The following TSC22D2 variants were observed in gnomAD, a reference collection of about 807,000 sequenced individuals.
TSC22D2 encodes the protein TSC22 domain family member 2.
Under a neutral mutation model 50.1 loss-of-function variants are expected in TSC22D2, and 5 were observed. The ratio of observed to expected loss-of-function variants is 0.10; its 90% CI spans 0.05 to 0.21. TSC22D2 has a LOEUF of 0.21. TSC22D2 is among the 10% of genes least tolerant of loss of function. The pLI, the probability that TSC22D2 is intolerant of heterozygous loss-of-function variation, is 1.00. For synonymous variants in TSC22D2, 501 were observed against 450.1 expected, an observed-to-expected ratio of 1.11 and a Z score of -1.43; for missense variants, 1,003 against 1,015.5, an observed-to-expected ratio of 0.99 and a Z score of 0.17.
intron 1 of TSC22D2, among the ~76,000 whole-genome samples, chr3:150,433,188 A>G (rs1576549282): frequency 6.6e-6 from 1 of 152,168 alleles, no homozygotes; most frequent in African/African-American, 2.4e-5. Flanking sequence ...AAGTTTGAAG[A>G]TTGTTGGTTA....
At chr3:150,436,162 G>T (rs1196297537) in intron 1 of TSC22D2, among the ~76,000 whole-genome samples, 1 of 151,982 alleles carries the variant, frequency 6.6e-6, no homozygotes, top group Non-Finnish European at 1.5e-5. Context: ...TATAACTTTT[G>T]TATCTTTTAA....
chr3:150,451,676 T>C (rs1485432452), intron 1 of TSC22D2, among the ~76,000 whole-genome samples: 2 of 152,230 alleles, frequency 1.3e-5, no homozygotes, highest in Non-Finnish European at 2.9e-5. Flanking sequence ...AGCAAGTTAC[T>C]TGACCTCACT....
chr3:150,416,368 A>G (rs1719802853), intron 1 of TSC22D2, among the ~76,000 whole-genome samples: 1 of 73,428 alleles, frequency 1.4e-5, no homozygotes, highest in African/African-American at 5.5e-5. Flanking sequence ...TCCGTAAGTA[A>G]TTCCTTAAAT....
chr3:150,437,503 C>T lies in TSC22D2; in HGVS notation c.1959-19573C>T, dbSNP rs1229708595. Among the ~76,000 whole-genome samples, 4 of 151,954 alleles carry T rather than the reference C, an allele frequency of 2.6e-5. No individual in the cohort carries two copies. The East Asian group carries it at 7.7e-4, about 29-fold the overall frequency. ...ATTGTTACTGATCCAGCCACCCATG[C>T]TATAAGTCTAGAAACTCAGCCAGGC... is the stretch of plus-strand genomic sequence containing the variant. On this transcript the variant is annotated intron_variant, in intron 1 of 2. Coordinates refer to ENST00000688009, the MANE Select transcript of TSC22D2 (RefSeq NM_001303264.2).
rs756051667 is a variant in TSC22D2, at chr3:150,410,931, T to A, written c.1581T>A (p.Thr527=). 3.1e-6 allele frequency: 5 copies of A among 1,614,148 alleles called. No homozygotes were observed. In the Admixed American group the frequency reaches 5.0e-5, roughly 16 times the overall value. ...SVPSVSTTSV[T]MPNVPAPLAQ... ...CTAGTGTGTCTACCACTTCTGTTAC[T>A]ATGCCAAATGTACCCGCGCCTCTGG... The change falls in exon 1 of 3, where the codon ACT becomes ACA. Residue 527 remains threonine, a synonymous_variant. Transcript: ENST00000688009.
rs1221216003 is a variant in TSC22D2 at position 150,456,179 on chromosome 3, TG to T, written c.1959-896del. ...GGTCTGCCAGAATGTTGTTTCTTTT[TG>T]TTTTTTTTTTTTTTGTTTTTTTTTG... On this transcript the variant is annotated intron_variant, in intron 1 of 2. Transcript: ENST00000688009. Among the ~76,000 whole-genome samples the T allele has an allele frequency of 4.1e-3, 294 of 72,090 alleles. 1 individual carries two copies. Among genetic ancestry groups the T allele is most frequent in the African/African-American group, 0.017 (283 of 16,728 alleles). The allele number at this position is 72,090 out of a possible 152,430, so 47.3% of individuals were successfully genotyped here.
In TSC22D2 at chr3:150,410,307, CG is replaced by C; in HGVS notation, c.962del (p.Gly321AspfsTer9). ...CCAGCCAGCCCCAGGGAGCGGGGCC[CG>C]GGGGACAGACTCTGCCGCCGACGAA... ...QPSQPQGAGP[G>X]GQTLPPTNVT... On this transcript the variant is annotated frameshift_variant, in exon 1 of 3. Coordinates refer to ENST00000688009, the MANE Select transcript of TSC22D2 (RefSeq NM_001303264.2). LOFTEE classifies it high-confidence loss of function. The C allele has an allele frequency of 6.4e-7, 1 of 1,569,150 alleles. No homozygotes were observed.
chr3:150,433,387 T>G (rs1465077531), intron 1 of TSC22D2, among the ~76,000 whole-genome samples: 2 of 152,218 alleles, frequency 1.3e-5, no homozygotes, highest in African/African-American at 4.8e-5. Flanking sequence ...TCAATGCTAA[T>G]GGTGGTATCC....
chr3:150,409,337 C>T lies in TSC22D2; in HGVS notation c.-14C>T. The T allele has an allele frequency of 6.3e-7, 1 of 1,584,482 alleles. No homozygotes were observed. The highest frequency in any genetic ancestry group is 8.6e-7 in the Non-Finnish European group (1 of 1,160,040). ...GGAGCCGGCGTGCCTCTCTGCCCTC[C>T]AGCCTTCTTCACCATGTCCAAGATG... is the stretch of plus-strand genomic sequence containing the variant. On this transcript the variant is annotated 5_prime_UTR_variant, in exon 1 of 3. Transcript: ENST00000688009. This position sits in a 1 kb window ranked among gnomAD's most constrained non-coding sequence, Gnocchi z 7.4.
rs376505390 is a variant in TSC22D2, at chr3:150,452,165, G to T, written c.1959-4911G>T. ...TAGTTTTTTAAAAATAGAGATCAAG[G>T]CTGGGCGTGGTGGCTCACGCCTGTA... On this transcript the variant is annotated intron_variant, in intron 1 of 2. Coordinates refer to ENST00000688009, the MANE Select transcript of TSC22D2 (RefSeq NM_001303264.2). Among the ~76,000 whole-genome samples, 8 of 152,276 alleles carry T rather than the reference G, an allele frequency of 5.3e-5. No homozygotes were observed. The South Asian group carries it at 8.3e-4, about 16-fold the overall frequency.
rs1721505337 is a variant in TSC22D2 at position 150,464,691 on chromosome 3, C to T, written c.*6055C>T. On this transcript the variant is annotated 3_prime_UTR_variant, in exon 3 of 3. Coordinates refer to ENST00000688009, the MANE Select transcript of TSC22D2 (RefSeq NM_001303264.2). Reference sequence around the variant, plus strand: ...CCATGTAAAAATCCTTTGATATTGCCAGGAAACAACTTTAAATCACCAGAA... The same window carrying T: ...CCATGTAAAAATCCTTTGATATTGCTAGGAAACAACTTTAAATCACCAGAA... 1 of 151,976 alleles carries T rather than the reference C, an allele frequency of 6.6e-6. No individual in the cohort carries two copies. Among genetic ancestry groups the T allele is most frequent in the Non-Finnish European group, 1.5e-5 (1 of 67,992 alleles). The allele number at this position is 151,976 out of a possible 1,614,324, so 9.4% of individuals were successfully genotyped here. A position where few individuals can be genotyped will look rare whatever the true frequency, so the allele number is the denominator to read the frequency against.
intron 1 of TSC22D2, among the ~76,000 whole-genome samples, chr3:150,426,029 CCT>C (rs759054305): frequency 1.1e-4 from 16 of 152,170 alleles, no homozygotes; most frequent in Non-Finnish European, 2.1e-4. Flanking sequence ...TCTTCCTTTC[CCT>C]TTTTCTGTAG....
chr3:150,420,001 C>T (rs1029765213), intron 1 of TSC22D2, among the ~76,000 whole-genome samples: 2 of 152,166 alleles, frequency 1.3e-5, no homozygotes, highest in Admixed American at 1.3e-4. Flanking sequence ...GTGACCACAG[C>T]TGCATAAAAA....
chr3:150,445,828 CCT>C (rs1379379037), intron 1 of TSC22D2, among the ~76,000 whole-genome samples: 1 of 152,054 alleles, frequency 6.6e-6, no homozygotes, highest in Non-Finnish European at 1.5e-5. Flanking sequence ...AGTCAGCTAG[CCT>C]CACGCCTGTA....
intron 1 of TSC22D2, among the ~76,000 whole-genome samples, chr3:150,413,743 C>T (rs547680455): frequency 3.3e-5 from 5 of 151,688 alleles, no homozygotes; most frequent in Non-Finnish European, 4.4e-5. Context: ...TTTGGGTTGC[C>T]GCCTTAAAAT....
At position 150,460,048 on chromosome 3, in the gene TSC22D2, G is replaced by A. The variant is rs1199280127; in HGVS notation, c.*1412G>A. On this transcript the variant is annotated 3_prime_UTR_variant, in exon 3 of 3. Transcript: ENST00000688009. ...CATTTTGTGTATACTAACACATTAAGTGTATGTCAGAAATTGATGTATAAA... is the reference window on the plus strand; with the variant it reads ...CATTTTGTGTATACTAACACATTAAATGTATGTCAGAAATTGATGTATAAA... The A allele has an allele frequency of 6.6e-6, 1 of 152,064 alleles. No individual in the cohort carries two copies. 9.4% of individuals were successfully genotyped at this position (152,064 alleles called of 1,614,324 possible).
At chr3:150,454,396 T>C (rs1191543547) in intron 1 of TSC22D2, among the ~76,000 whole-genome samples, 1 of 152,218 alleles carries the variant, frequency 6.6e-6, no homozygotes, top group Non-Finnish European at 1.5e-5. Flanking sequence ...GTCAAAGTCA[T>C]AAAGAATTTT....
chr3:150,455,459 G>A (rs1721156904), intron 1 of TSC22D2, among the ~76,000 whole-genome samples: 1 of 152,156 alleles, frequency 6.6e-6, no homozygotes, highest in Non-Finnish European at 1.5e-5. Flanking sequence ...AGAAGTGAAG[G>A]TAGTATGCTG....
chr3:150,423,799 C>T (rs1368472654), intron 1 of TSC22D2, among the ~76,000 whole-genome samples: 1 of 152,140 alleles, frequency 6.6e-6, no homozygotes, highest in Admixed American at 6.5e-5. Flanking sequence ...TCTGTTCAAT[C>T]GTTTTGCTGA....
Sources: allele counts gnomAD v4.1 joint callset (sites outside exome capture counted in the v4.1 genomes callset), GRCh38; gene constraint gnomAD v4.1.1; non-coding constraint Gnocchi (gnomAD v3.1); transcripts MANE v1.5; gene names NCBI Gene and HGNC (gene_info 2026-07-23, HGNC 2026-07-21).